The following MTCL1 variants were observed in gnomAD, a reference collection of about 807,000 sequenced individuals.
MTCL1 encodes microtubule crosslinking factor 1.
In MTCL1, 79 loss-of-function variants were observed where a neutral mutation model predicts 141.4. The ratio of observed to expected loss-of-function variants is 0.56; its 90% CI spans 0.47 to 0.67. MTCL1 has a LOEUF of 0.67. MTCL1 is among the 30% of genes least tolerant of loss of function. The pLI, the probability that MTCL1 is intolerant of heterozygous loss-of-function variation, is 0.00. For synonymous variants in MTCL1, 914 were observed against 875.8 expected (o/e 1.04, Z -0.77); for missense variants, 2,177 against 2,113.9 (o/e 1.03, Z -0.59).
At chr18:8,763,894 T>G (rs915797415) in intron 4 of MTCL1, among the ~76,000 whole-genome samples, 45 of 152,234 alleles carry the variant, frequency 3.0e-4, no homozygotes, top group African/African-American at 1.1e-3. Flanking sequence ...TAATGCCCTC[T>G]TACTGTGGGA....
intron 16 of MTCL1, chr18:8,829,159 T>A (rs1332960695): frequency 3.0e-6 from 3 of 985,284 alleles, no homozygotes; most frequent in Non-Finnish European, 3.6e-6. Context: ...TGCTAGAGGG[T>A]TGACCACTCA....
At chr18:8,829,859 T>TC (rs1385339822) in intron 16 of MTCL1, 44 of 985,286 alleles carry the variant, frequency 4.5e-5, no homozygotes, top group Admixed American at 1.2e-4. Flanking sequence ...GGTGTGTTAC[T>TC]AAGGAAAAGG....
chr18:8,830,043 C>G lies in MTCL1; in HGVS notation c.*18+1079C>G. On this transcript the variant is annotated intron_variant, in intron 16 of 16. Transcript: ENST00000359865. The surrounding 1 kb of genome is among the most constrained non-coding windows in gnomAD (Gnocchi z 6.4). ...AGCAGCTTCACCAACACACAACACA[C>G]ACAGAACAGATACACAATACACAAC... The G allele has an allele frequency of 1.0e-6, 1 of 985,530 alleles. No individual in the cohort carries two copies. Among genetic ancestry groups the G allele is most frequent in the African/African-American group, 1.7e-5 (1 of 57,338 alleles). 61.0% of individuals were successfully genotyped at this position (985,530 alleles called of 1,614,324 possible). A position where few individuals can be genotyped will look rare whatever the true frequency, so the allele number is the denominator to read the frequency against.
At chr18:8,747,029 G>A (rs937087545) in intron 4 of MTCL1, among the ~76,000 whole-genome samples, 4 of 152,132 alleles carry the variant, frequency 2.6e-5, no homozygotes, top group African/African-American at 4.8e-5. Context: ...TGGGTATCGC[G>A]ACGATGCTCA....
At chr18:8,816,293 G>A (rs972869460) in intron 12 of MTCL1, among the ~76,000 whole-genome samples, 10 of 152,178 alleles carry the variant, frequency 6.6e-5, no homozygotes, top group African/African-American at 2.4e-4. Flanking sequence ...CCTTGACTGT[G>A]ATAACCTAAT....
chr18:8,816,050 C>G (rs1274738153), intron 12 of MTCL1, among the ~76,000 whole-genome samples: 2 of 152,144 alleles, frequency 1.3e-5, no homozygotes, highest in African/African-American at 4.8e-5. Flanking sequence ...TCTCAGTGCC[C>G]CATCCGGAAA....
intron 6 of MTCL1, among the ~76,000 whole-genome samples, chr18:8,785,450 T>C (rs1032015132): frequency 6.6e-6 from 1 of 152,110 alleles, no homozygotes; most frequent in South Asian, 2.1e-4. Context: ...CTGCCGCCGC[T>C]GGGGAGGGCG....
In MTCL1 at chr18:8,777,357, G is replaced by A. The variant is rs2096515273; in HGVS notation, c.358-476G>A. Among the ~76,000 whole-genome samples the A allele has an allele frequency of 2.0e-5, 3 of 152,334 alleles. No individual in the cohort carries two copies. In the South Asian group the frequency reaches 6.2e-4, roughly 32 times the overall value. Reference sequence around the variant, plus strand: ...GATCCTCCCGCCTTGGTATCCCAAAGCATTGGGATTATAGGCATGAGCCAC... The same window carrying A: ...GATCCTCCCGCCTTGGTATCCCAAAACATTGGGATTATAGGCATGAGCCAC... On this transcript the variant is annotated intron_variant, in intron 4 of 16. Coordinates refer to ENST00000359865, the Ensembl canonical transcript of MTCL1.
chr18:8,802,890 G>A lies in MTCL1; in HGVS notation c.2437-4003G>A, dbSNP rs78598017. On this transcript the variant is annotated intron_variant, in intron 10 of 16. Coordinates refer to ENST00000359865, the Ensembl canonical transcript of MTCL1. ...CTAAAAGGTTGCACGGCTAGACCCC[G>A]GCACAAGAGGTTCAGAAAGCCTGTT... Among the ~76,000 whole-genome samples the A allele has an allele frequency of 3.3e-4, 50 of 152,220 alleles. 1 individual carries two copies. In the East Asian group the frequency reaches 8.7e-3, roughly 26 times the overall value.
intron 4 of MTCL1, among the ~76,000 whole-genome samples, chr18:8,757,376 AG>A (rs1444925024): frequency 6.6e-6 from 1 of 152,228 alleles, no homozygotes; most frequent in Non-Finnish European, 1.5e-5. Context: ...TAGCCGCTGT[AG>A]GATAAAAGAT....
intron 15 of MTCL1, among the ~76,000 whole-genome samples, chr18:8,826,806 A>G (rs562114442): frequency 6.6e-6 from 1 of 152,198 alleles, no homozygotes; most frequent in South Asian, 2.1e-4. Flanking sequence ...ACCAAGTGAA[A>G]CATATAGACA....
intron 4 of MTCL1, among the ~76,000 whole-genome samples, chr18:8,734,436 C>T (rs995122302): frequency 2.0e-5 from 3 of 152,088 alleles, no homozygotes; most frequent in African/African-American, 4.8e-5. Flanking sequence ...CACCCTGCTC[C>T]GGAGCCATCC....
At chr18:8,728,444 T>C (rs2096230151) in intron 4 of MTCL1, among the ~76,000 whole-genome samples, 1 of 152,196 alleles carries the variant, frequency 6.6e-6, no homozygotes, top group Non-Finnish European at 1.5e-5. Context: ...GTCAGCATAA[T>C]TTTTATTTTT....
At chr18:8,764,378 T>C (rs191288336) in intron 4 of MTCL1, among the ~76,000 whole-genome samples, 208 of 151,916 alleles carry the variant, frequency 1.4e-3, no homozygotes, top group Non-Finnish European at 2.6e-3. Flanking sequence ...AGTGCGGTGG[T>C]GCAATCTTGG....
rs1282811579 is a variant in MTCL1 at position 8,706,673 on chromosome 18, G to A, written c.1013G>A (p.Arg338Gln). The change falls in exon 1 of 14, where the codon CGG becomes CAG. Residue 338 changes from arginine (R) to glutamine (Q), a missense_variant. Physicochemically the swap from Arg to Gln is conservative, Grantham distance 43. Coordinates refer to the MTCL1 transcript ENST00000306329. ...GCGGCGGAGGAAGAAGAGCTGCTGC[G>A]GGAGATGGAGGAGCTGCGCTCGGAG... 3.2e-6 allele frequency: 5 copies of A among 1,546,308 alleles called. No homozygotes were observed. In the East Asian group the frequency reaches 9.8e-5, roughly 30 times the overall value.
intron 4 of MTCL1, among the ~76,000 whole-genome samples, chr18:8,726,249 G>T (rs1291860666): frequency 7.1e-6 from 1 of 141,332 alleles, no homozygotes; most frequent in Admixed American, 6.9e-5. Flanking sequence ...TTTCTTTTGG[G>T]TAGTATTGGC....
chr18:8,799,471 G>A (rs910614021), intron 10 of MTCL1, among the ~76,000 whole-genome samples: 5 of 152,188 alleles, frequency 3.3e-5, no homozygotes, highest in African/African-American at 1.2e-4. Flanking sequence ...TTTATTCACA[G>A]CCATCAGAAA....
At chr18:8,728,720 CTTTTTTTTTTT>C (rs34524200) in intron 4 of MTCL1, among the ~76,000 whole-genome samples, 122 of 59,082 alleles carry the variant, frequency 2.1e-3, no homozygotes, top group African/African-American at 6.6e-3. Flanking sequence ...GTTGTCCATT[CTTTTTTTTTTT>C]TTTTTTTTTT....
At chr18:8,795,849 G>A (rs577785727) in intron 8 of MTCL1, among the ~76,000 whole-genome samples, 8 of 152,268 alleles carry the variant, frequency 5.3e-5, no homozygotes, top group Admixed American at 1.3e-4. Context: ...TGTAATGTGC[G>A]TTTGAGTGCC....
Sources: allele counts gnomAD v4.1 joint callset (sites outside exome capture counted in the v4.1 genomes callset), GRCh38; gene constraint gnomAD v4.1.1; non-coding constraint Gnocchi (gnomAD v3.1); transcripts MANE v1.5; gene names NCBI Gene and HGNC (gene_info 2026-07-23, HGNC 2026-07-21).